CAPZA2: variants seen among roughly 807,000 people sequenced by gnomAD.
CAPZA2 encodes the protein F-actin-capping protein subunit alpha-2.
CAPZA2 carries 13 observed loss-of-function variants against 44.0 expected under a neutral mutation model. The observed-to-expected ratio is 0.30, with a 90% confidence interval of 0.19 to 0.47. The LOEUF (loss-of-function observed/expected upper bound fraction) is 0.47. Ranked by LOEUF, CAPZA2 falls within the 20% of genes least tolerant of loss-of-function variation. CAPZA2 has a pLI of 1.00. For synonymous variants in CAPZA2, 94 were observed against 108.2 expected, an observed-to-expected ratio of 0.87 and a Z score of 0.81; for missense variants, 244 against 338.6, an observed-to-expected ratio of 0.72 and a Z score of 2.19.
At chr7:116,890,529 T>A (rs10233140) in intron 2 of CAPZA2, among the ~76,000 whole-genome samples, 5,104 of 18,198 alleles carry the variant, frequency 0.28, 1,046 homozygotes, top group African/African-American at 0.57. Flanking sequence ...AAAAAAAATA[T>A]ATATATATAT....
chr7:116,912,201 T>G, intron 8 of CAPZA2, 61 bp downstream of exon 8: 1 of 1,585,972 alleles, frequency 6.3e-7, no homozygotes, highest in South Asian at 1.1e-5. Flanking sequence ...AGAACAGTTT[T>G]GGAATGAACA....
chr7:116,871,878 C>T (rs1469994095), intron 1 of CAPZA2, among the ~76,000 whole-genome samples: 2 of 152,224 alleles, frequency 1.3e-5, no homozygotes, highest in African/African-American at 2.4e-5. Context: ...TGTATTAAAT[C>T]AGTGATTTTC....
At chr7:116,867,621 T>C (rs1796498661) in intron 1 of CAPZA2, among the ~76,000 whole-genome samples, 1 of 147,878 alleles carries the variant, frequency 6.8e-6, no homozygotes, top group South Asian at 2.2e-4. Context: ...TCTCACTCTG[T>C]CACCCAGGCT....
At chr7:116,900,474 A>G (rs1358601666) in intron 4 of CAPZA2, among the ~76,000 whole-genome samples, 5 of 151,994 alleles carry the variant, frequency 3.3e-5, no homozygotes, top group Non-Finnish European at 7.4e-5. Flanking sequence ...TAAGGATACA[A>G]AACTCATGAG....
In CAPZA2 at chr7:116,921,806, GA is replaced by G. The variant is rs1791773784; in HGVS notation, c.*3940del. On this transcript the variant is annotated 3_prime_UTR_variant, in exon 10 of 10. Coordinates refer to ENST00000361183, the MANE Select transcript of CAPZA2 (RefSeq NM_006136.3). ...AACGGAGTGACTGGCTGAGGGGAGA[GA>G]GGAGAGGACTTAAGCAACTGTGCCA... The G allele has an allele frequency of 6.6e-6, 1 of 152,182 alleles. No individual in the cohort carries two copies. Among genetic ancestry groups the G allele is most frequent in the Non-Finnish European group, 1.5e-5 (1 of 68,054 alleles). The allele number at this position is 152,182 out of a possible 1,614,324, so 9.4% of individuals were successfully genotyped here. A position where few individuals can be genotyped will look rare whatever the true frequency, so the allele number is the denominator to read the frequency against.
chr7:116,876,917 A>G (rs893498453), intron 1 of CAPZA2, among the ~76,000 whole-genome samples: 5 of 152,234 alleles, frequency 3.3e-5, no homozygotes, highest in South Asian at 2.1e-4. Flanking sequence ...TTTAGTAAGT[A>G]TCAAGAGGGT....
At chr7:116,916,933 A>G (rs971998473) in intron 9 of CAPZA2, among the ~76,000 whole-genome samples, 1 of 151,636 alleles carries the variant, frequency 6.6e-6, no homozygotes, top group African/African-American at 2.4e-5. Flanking sequence ...TTAAGTGGCT[A>G]TTTTTTTTCT....
intron 2 of CAPZA2, among the ~76,000 whole-genome samples, chr7:116,892,165 A>G (rs1046289449): frequency 2.0e-5 from 3 of 152,174 alleles, no homozygotes; most frequent in African/African-American, 4.8e-5. Context: ...TTCACACTCT[A>G]TGTAAGAATT....
chr7:116,869,441 A>G (rs985752380), intron 1 of CAPZA2, among the ~76,000 whole-genome samples: 14 of 152,208 alleles, frequency 9.2e-5, no homozygotes, highest in Non-Finnish European at 1.9e-4. Flanking sequence ...AAATCCATTT[A>G]CCTCCATCTT....
intron 6 of CAPZA2, among the ~76,000 whole-genome samples, chr7:116,909,566 A>G (rs1207416054): frequency 3.3e-5 from 5 of 151,818 alleles, no homozygotes; most frequent in Non-Finnish European, 5.9e-5. Flanking sequence ...GACTTTAAAC[A>G]TAAAATTGGA....
rs1791759925 is a variant in CAPZA2 at position 116,920,765 on chromosome 7, GCAGA to G, written c.*2902_*2905del. ...CATGAACCTGGAAACAATTTTATAG[GCAGA>G]CAGGATGAAGGACCTCAAGGTTAGT... On this transcript the variant is annotated 3_prime_UTR_variant, in exon 10 of 10. Transcript: ENST00000361183. 1 of 152,360 alleles carries G rather than the reference GCAGA, an allele frequency of 6.6e-6. No homozygotes were observed. The highest frequency in any genetic ancestry group is 2.4e-5 in the African/African-American group (1 of 41,442). 9.4% of individuals were successfully genotyped at this position (152,360 alleles called of 1,614,324 possible).
intron 1 of CAPZA2, chr7:116,874,710 A>T (rs1796599591): frequency 6.6e-6 from 1 of 152,294 alleles, no homozygotes; most frequent in Admixed American, 6.5e-5. Context: ...GGTTTATCAA[A>T]GTGAACTGTG....
chr7:116,866,404 C>CTCGT lies in CAPZA2; in HGVS notation c.39+3755_39+3758dup, dbSNP rs541153080. Among the ~76,000 whole-genome samples the CTCGT allele has an allele frequency of 3.7e-3, 561 of 152,298 alleles. 4 individuals carry two copies. Among genetic ancestry groups the CTCGT allele is most frequent in the Non-Finnish European group, 5.5e-3 (376 of 68,024 alleles). On this transcript the variant is annotated intron_variant, in intron 1 of 9. Coordinates refer to ENST00000361183, the MANE Select transcript of CAPZA2 (RefSeq NM_006136.3). ...GCCAGGATGGTCTCAATCTCCTGAC[C>CTCGT]TCGTGATCCACCCGCCTCGGCCTCC... is the stretch of plus-strand genomic sequence containing the variant.
At chr7:116,874,703 T>A (rs925020504) in intron 1 of CAPZA2, 5 of 152,268 alleles carry the variant, frequency 3.3e-5, no homozygotes, top group African/African-American at 9.6e-5. Context: ...CCTGTGGGGT[T>A]TATCAAAGTG....
chr7:116,866,600 G>A (rs1390000421), intron 1 of CAPZA2, among the ~76,000 whole-genome samples: 1 of 152,174 alleles, frequency 6.6e-6, no homozygotes, highest in Admixed American at 6.5e-5. Flanking sequence ...ATGGTGTAAG[G>A]CTCAATTGAA....
chr7:116,905,288 G>A (rs771374561), intron 5 of CAPZA2, among the ~76,000 whole-genome samples: 67 of 152,188 alleles, frequency 4.4e-4, no homozygotes, highest in Non-Finnish European at 8.7e-4. Context: ...TCCATTGCCA[G>A]AGTGATCTTT....
intron 9 of CAPZA2, 127 bp downstream of exon 9, chr7:116,916,249 T>TTGTG: frequency 9.4e-6 from 9 of 952,572 alleles, no homozygotes; most frequent in South Asian, 2.4e-5. Context: ...TGTGTCTGCT[T>TTGTG]TTAACACAAA....
chr7:116,865,435 C>T (rs948433924), intron 1 of CAPZA2, among the ~76,000 whole-genome samples: 1 of 152,142 alleles, frequency 6.6e-6, no homozygotes, highest in Non-Finnish European at 1.5e-5. Flanking sequence ...ATCCACCCCC[C>T]TCGGCCTCCC....
chr7:116,862,703 G>A, intron 1 of CAPZA2, 53 bp downstream of exon 1: 1 of 1,499,866 alleles, frequency 6.7e-7, no homozygotes, highest in Non-Finnish European at 8.9e-7. Context: ...CTCAGCCCGG[G>A]CGGGTGGGCC....
Sources: allele counts gnomAD v4.1 joint callset (sites outside exome capture counted in the v4.1 genomes callset), GRCh38; gene constraint gnomAD v4.1.1; transcripts MANE v1.5; gene names NCBI Gene and HGNC (gene_info 2026-07-23, HGNC 2026-07-21).